Variants in LYPD6 observed in about 807,000 individuals in gnomAD.
The protein encoded by LYPD6 is ly6/PLAUR domain-containing protein 6.
Under a neutral mutation model 22.7 loss-of-function variants are expected in LYPD6, and 15 were observed. The ratio of observed to expected loss-of-function variants is 0.66; its 90% CI spans 0.44 to 1.02. LYPD6 has a LOEUF of 1.02. Among genes scored for constraint, LYPD6 ranks in the 50% least tolerant of loss-of-function variants. The probability of loss-of-function intolerance (pLI) is 0.00; values close to 1 mark genes in which losing one functional copy is unlikely to be tolerated. For synonymous variants in LYPD6, 72 were observed against 77.5 expected, an observed-to-expected ratio of 0.93 and a Z score of 0.37; for missense variants, 189 against 208.4, an observed-to-expected ratio of 0.91 and a Z score of 0.57.
chr2:149,400,167 G>A (rs1156588012), intron 1 of LYPD6, among the ~76,000 whole-genome samples: 2 of 152,198 alleles, frequency 1.3e-5, no homozygotes, highest in African/African-American at 2.4e-5. Context: ...TGAGTGATGC[G>A]TGCGCTGCGT....
At chr2:149,389,835 A>G (rs1169006529) in intron 1 of LYPD6, among the ~76,000 whole-genome samples, 1 of 152,078 alleles carries the variant, frequency 6.6e-6, no homozygotes, top group Non-Finnish European at 1.5e-5. Flanking sequence ...CAGGACCCCA[A>G]GCCCTCTCTC....
intron 1 of LYPD6, among the ~76,000 whole-genome samples, chr2:149,427,563 G>A (rs1007123132): frequency 1.3e-5 from 2 of 152,178 alleles, no homozygotes; most frequent in African/African-American, 4.8e-5. Flanking sequence ...CAAGCACACA[G>A]CCAACAAGCT....
rs1681352589 is a variant in LYPD6 at position 149,472,240 on chromosome 2, A to G, written c.*1390A>G. ...TTTTAATATATGTTTATTGAAAGTT[A>G]TCTATAATACTTGCACCAGTGTTGA... On this transcript the variant is annotated 3_prime_UTR_variant, in exon 5 of 5. Coordinates refer to ENST00000334166, the MANE Select transcript of LYPD6 (RefSeq NM_194317.5). 1.3e-5 allele frequency: 2 copies of G among 152,216 alleles called. No homozygotes were observed. The highest frequency in any genetic ancestry group is 4.1e-4 in the South Asian group (2 of 4,826). The allele number at this position is 152,216 out of a possible 1,614,324, so 9.4% of individuals were successfully genotyped here.
At chr2:149,469,388 C>A (rs1196087774) in intron 4 of LYPD6, among the ~76,000 whole-genome samples, 1 of 152,132 alleles carries the variant, frequency 6.6e-6, no homozygotes, top group Non-Finnish European at 1.5e-5. Flanking sequence ...TATGGACAAT[C>A]ACAGAAAGGC....
intron 1 of LYPD6, among the ~76,000 whole-genome samples, chr2:149,402,330 T>C (rs1333763852): frequency 6.6e-6 from 1 of 152,120 alleles, no homozygotes; most frequent in East Asian, 1.9e-4. Context: ...CAATTACAAA[T>C]TGTGCTCCTG....
chr2:149,354,038 A>C (rs1278739081), intron 1 of LYPD6, among the ~76,000 whole-genome samples: 1 of 152,190 alleles, frequency 6.6e-6, no homozygotes, highest in Non-Finnish European at 1.5e-5. Flanking sequence ...GTCTGGTGTC[A>C]GAAAGATACA....
intron 1 of LYPD6, among the ~76,000 whole-genome samples, chr2:149,357,848 C>T (rs1374420221): frequency 6.7e-6 from 1 of 148,810 alleles, no homozygotes; most frequent in East Asian, 2.0e-4. Context: ...TGCAGTGGCA[C>T]AATTTCGGCT....
intron 1 of LYPD6, among the ~76,000 whole-genome samples, chr2:149,423,759 C>G (rs1406988401): frequency 8.2e-6 from 1 of 121,936 alleles, no homozygotes; most frequent in Non-Finnish European, 1.6e-5. Context: ...AAAATAAGCT[C>G]TCTGCCGGGG....
chr2:149,342,020 C>A (rs1681170091), intron 1 of LYPD6, among the ~76,000 whole-genome samples: 1 of 152,140 alleles, frequency 6.6e-6, no homozygotes, highest in African/African-American at 2.4e-5. Context: ...CCAGGAAGAA[C>A]AAATGAATAC....
At position 149,366,072 on chromosome 2, in the gene LYPD6, C is replaced by G. The variant is rs544413440; in HGVS notation, c.-72+35350C>G. ...GCTTCAGTGTGGGTGGCTAATTATT[C>G]AAACTTGCATTCTGTATGATTAAAC... On this transcript the variant is annotated intron_variant, in intron 1 of 4. Coordinates refer to ENST00000334166, the MANE Select transcript of LYPD6 (RefSeq NM_194317.5). Among the ~76,000 whole-genome samples, 3 of 152,304 alleles carry G rather than the reference C, an allele frequency of 2.0e-5. No individual in the cohort carries two copies. In the South Asian group the frequency reaches 6.2e-4, roughly 32 times the overall value.
chr2:149,479,690 C>G, the LYPD6 span, among the ~76,000 whole-genome samples: 1 of 152,150 alleles, frequency 6.6e-6, no homozygotes, highest in Non-Finnish European at 1.5e-5. Flanking sequence ...CTATCCACTC[C>G]TTTCCATGTC....
intron 3 of LYPD6, among the ~76,000 whole-genome samples, chr2:149,449,363 T>C (rs987190607): frequency 6.6e-6 from 1 of 152,210 alleles, no homozygotes; most frequent in African/African-American, 2.4e-5. Context: ...TGAAGTATTT[T>C]TGGCACTCCA....
chr2:149,463,940 A>C (rs1017267169), intron 3 of LYPD6, among the ~76,000 whole-genome samples: 1 of 152,112 alleles, frequency 6.6e-6, no homozygotes. Context: ...GCTGTGGAGA[A>C]GTTCTGTATC....
the LYPD6 span, among the ~76,000 whole-genome samples, chr2:149,480,022 T>C: frequency 6.6e-6 from 1 of 150,818 alleles, no homozygotes; most frequent in African/African-American, 2.4e-5. Context: ...TCTCTCTCTT[T>C]TTTTTTTTTT....
intron 1 of LYPD6, among the ~76,000 whole-genome samples, chr2:149,398,339 T>C (rs1428084376): frequency 6.6e-6 from 1 of 152,152 alleles, no homozygotes; most frequent in Non-Finnish European, 1.5e-5. Flanking sequence ...GATTTGTTCT[T>C]TTGTTGTAAA....
At chr2:149,361,016 G>A (rs186694884) in intron 1 of LYPD6, among the ~76,000 whole-genome samples, 1 of 152,286 alleles carries the variant, frequency 6.6e-6, no homozygotes, top group Admixed American at 6.5e-5. Flanking sequence ...ATAGTTCTTA[G>A]TTGGGGTGGA....
At chr2:149,474,987 T>C (rs1282110897), downstream of LYPD6, among the ~76,000 whole-genome samples, 3 of 152,202 alleles carry the variant, frequency 2.0e-5, no homozygotes, top group Admixed American at 6.5e-5. Flanking sequence ...CAGGATGGTC[T>C]CAATCTCCTG....
intron 1 of LYPD6, among the ~76,000 whole-genome samples, chr2:149,383,793 A>G (rs1682121465): frequency 6.6e-6 from 1 of 152,176 alleles, no homozygotes; most frequent in Non-Finnish European, 1.5e-5. Context: ...TGTACTAGTA[A>G]GTAATAAAAC....
At chr2:149,476,998 G>A (rs7586387), downstream of LYPD6, among the ~76,000 whole-genome samples, 55 of 152,308 alleles carry the variant, frequency 3.6e-4, no homozygotes, top group East Asian at 6.0e-3. Flanking sequence ...ACTGAGGTGC[G>A]TTGGGTGGAA....
Sources: gnomAD v4.1 joint callset for allele counts (sites outside exome capture counted in the v4.1 genomes callset) on GRCh38, gnomAD v4.1.1 for gene constraint, MANE v1.5 for transcripts, NCBI Gene and HGNC (gene_info 2026-07-23, HGNC 2026-07-21) for gene names.